The following SLAIN2 variants were observed in gnomAD, a reference collection of about 807,000 sequenced individuals.
The protein encoded by SLAIN2 is SLAIN family member 2, also known as SLAIN motif-containing protein 2.
In SLAIN2, 31 loss-of-function variants were observed where a neutral mutation model predicts 56.6. The observed-to-expected ratio is 0.55, with a 90% confidence interval of 0.41 to 0.74. SLAIN2 has a LOEUF of 0.74. Among genes scored for constraint, SLAIN2 ranks in the 30% least tolerant of loss-of-function variants. The pLI, the probability that SLAIN2 is intolerant of heterozygous loss-of-function variation, is 0.00. For missense variants in SLAIN2, 777 were observed against 754.2 expected, an observed-to-expected ratio of 1.03 and a Z score of -0.35; for synonymous variants, 317 against 284.9, an observed-to-expected ratio of 1.11 and a Z score of -1.13.
At chr4:48,362,751 T>TTTTTTTTTTTTTTTTTTTC (rs1715367122) in intron 1 of SLAIN2, among the ~76,000 whole-genome samples, 2 of 60,824 alleles carry the variant, frequency 3.3e-5, no homozygotes, top group Non-Finnish European at 7.3e-5. Context: ...TTTTTTATTC[T>TTTTTTTTTTTTTTTTTTTC]TTTTTTTTTT....
At chr4:48,344,684 C>T (rs1341825601) in intron 1 of SLAIN2, among the ~76,000 whole-genome samples, 1 of 151,948 alleles carries the variant, frequency 6.6e-6, no homozygotes, top group African/African-American at 2.4e-5. Flanking sequence ...CAGTCACTTT[C>T]ATACTCTTCT....
chr4:48,363,565 G>A (rs1306033581), intron 1 of SLAIN2, among the ~76,000 whole-genome samples: 1 of 97,268 alleles, frequency 1.0e-5, no homozygotes, highest in Non-Finnish European at 2.3e-5. Flanking sequence ...TGGCCGGGCG[G>A]AGGGCTGAAC....
intron 1 of SLAIN2, among the ~76,000 whole-genome samples, chr4:48,346,349 T>C (rs919060250): frequency 1.2e-4 from 19 of 152,160 alleles, no homozygotes; most frequent in African/African-American, 4.6e-4. Context: ...TCATTTGGAG[T>C]GGTAGGCCTA....
intron 6 of SLAIN2, among the ~76,000 whole-genome samples, chr4:48,412,310 A>ATGGTT (rs1716877507): frequency 1.3e-5 from 2 of 150,934 alleles, no homozygotes; most frequent in Non-Finnish European, 1.5e-5. Flanking sequence ...TTCCCCTACC[A>ATGGTT]GGGTGGAGAT....
chr4:48,396,582 C>T (rs1431477968), intron 6 of SLAIN2, among the ~76,000 whole-genome samples: 1 of 152,152 alleles, frequency 6.6e-6, no homozygotes, highest in Admixed American at 6.5e-5. Context: ...GCAGGAGCCT[C>T]TTCTCTTGTG....
intron 6 of SLAIN2, among the ~76,000 whole-genome samples, chr4:48,390,588 T>C (rs1334476384): frequency 6.6e-6 from 1 of 152,212 alleles, no homozygotes; most frequent in African/African-American, 2.4e-5. Flanking sequence ...AATATTCTTC[T>C]ATTGAAATTG....
intron 6 of SLAIN2, among the ~76,000 whole-genome samples, chr4:48,387,999 T>G (rs1288471588): frequency 6.6e-6 from 1 of 152,156 alleles, no homozygotes; most frequent in Non-Finnish European, 1.5e-5. Flanking sequence ...TCTTAAGTGG[T>G]AAAGCTTTGG....
intron 1 of SLAIN2, among the ~76,000 whole-genome samples, chr4:48,364,000 G>A (rs1264822974): frequency 2.5e-5 from 3 of 120,136 alleles, no homozygotes; most frequent in South Asian, 3.4e-4. Flanking sequence ...CCTCCCGGAC[G>A]GGGTGGCTGC....
chr4:48,348,579 A>G lies in SLAIN2; in HGVS notation c.389+6451A>G, dbSNP rs190209784. 2.0e-5 allele frequency among the ~76,000 whole-genome samples: 3 copies of G among 151,838 alleles called. No individual in the cohort carries two copies. In the East Asian group the frequency reaches 5.8e-4, roughly 29 times the overall value. ...GTGGTGGGCGCCTGTAATCCCAGCT[A>G]CTTGGGAGGCTGAGGGAGGAGAATT... On this transcript the variant is annotated intron_variant, in intron 1 of 7. Coordinates refer to ENST00000264313, the MANE Select transcript of SLAIN2 (RefSeq NM_020846.2).
At chr4:48,383,859 T>C in intron 6 of SLAIN2, 75 bp downstream of exon 6, 1 of 1,474,090 alleles carries the variant, frequency 6.8e-7, no homozygotes, top group Non-Finnish European at 9.1e-7. Flanking sequence ...TGTTTTATGC[T>C]GAAAAACCGT....
chr4:48,420,470 A>C, intron 7 of SLAIN2, 27 bp downstream of exon 7: 1 of 1,609,366 alleles, frequency 6.2e-7, no homozygotes, highest in Non-Finnish European at 8.5e-7. Context: ...CTGTTTCAGC[A>C]TTCTTGAGTG....
chr4:48,350,198 G>T (rs1370867472), intron 1 of SLAIN2, among the ~76,000 whole-genome samples: 1 of 152,166 alleles, frequency 6.6e-6, no homozygotes, highest in East Asian at 1.9e-4. Flanking sequence ...CATCCTGTGA[G>T]CCTTCTGGAT....
At chr4:48,358,816 G>A (rs1014189864) in intron 1 of SLAIN2, among the ~76,000 whole-genome samples, 10 of 151,906 alleles carry the variant, frequency 6.6e-5, no homozygotes, top group African/African-American at 2.4e-4. Context: ...CTCCTCCCGG[G>A]TTCAAGCGAT....
chr4:48,394,194 CT>C lies in SLAIN2; in HGVS notation c.1360+10417del, dbSNP rs146783957. 1.2e-4 allele frequency among the ~76,000 whole-genome samples: 19 copies of C among 152,232 alleles called. No homozygotes were observed. The East Asian group carries it at 2.7e-3, about 22-fold the overall frequency. On this transcript the variant is annotated intron_variant, in intron 6 of 7. Transcript: ENST00000264313. ...ACAATAACCGCTTTGCCAAAATCTG[CT>C]TTTTTTGCGTTGAACAAGTGCTGCA...
chr4:48,388,095 A>G (rs1412638099), intron 6 of SLAIN2, among the ~76,000 whole-genome samples: 1 of 152,096 alleles, frequency 6.6e-6, no homozygotes, highest in African/African-American at 2.4e-5. Context: ...CCTTGTTACT[A>G]TGCCAATCAC....
intron 1 of SLAIN2, among the ~76,000 whole-genome samples, chr4:48,366,387 T>G (rs900564028): frequency 1.7e-4 from 26 of 152,352 alleles, no homozygotes; most frequent in African/African-American, 6.3e-4. Flanking sequence ...AGTTCTTTTT[T>G]CAGTTATTAA....
intron 2 of SLAIN2, among the ~76,000 whole-genome samples, chr4:48,374,596 A>G (rs755482641): frequency 1.3e-5 from 2 of 152,152 alleles, no homozygotes; most frequent in Non-Finnish European, 2.9e-5. Flanking sequence ...GTTTTCTGCA[A>G]GGGTGTAGTG....
At chr4:48,413,523 T>A (rs1236041794) in intron 6 of SLAIN2, among the ~76,000 whole-genome samples, 1 of 152,212 alleles carries the variant, frequency 6.6e-6, no homozygotes, top group African/African-American at 2.4e-5. Flanking sequence ...AACTTATTTT[T>A]AAATACTTGT....
At chr4:48,371,109 G>GTTTTTTTTTTTTTTTTTTTT (rs71660447) in intron 2 of SLAIN2, among the ~76,000 whole-genome samples, 1 of 140,398 alleles carries the variant, frequency 7.1e-6, no homozygotes, top group Non-Finnish European at 1.6e-5. Flanking sequence ...TTTTTGTTTT[G>GTTTTTTTTTTTTTTTTTTTT]TTTTTTTTTT....
Sources: gnomAD v4.1 joint callset for allele counts (sites outside exome capture counted in the v4.1 genomes callset) on GRCh38, gnomAD v4.1.1 for gene constraint, MANE v1.5 for transcripts, NCBI Gene and HGNC (gene_info 2026-07-23, HGNC 2026-07-21) for gene names.